BAIAP2: variants seen among roughly 807,000 people sequenced by gnomAD.
The protein encoded by BAIAP2 is BAR/IMD domain-containing adapter protein 2.
Under a neutral mutation model 63.0 loss-of-function variants are expected in BAIAP2, and 18 were observed. The ratio of observed to expected loss-of-function variants is 0.29; its 90% confidence interval spans 0.20 to 0.42. The LOEUF (loss-of-function observed/expected upper bound fraction) is 0.42. BAIAP2 is among the 10% of genes least tolerant of loss of function. The probability of loss-of-function intolerance (pLI) is 1.00; values close to 1 mark genes in which losing one functional copy is unlikely to be tolerated. For synonymous variants in BAIAP2, 386 were observed against 307.6 expected, an observed-to-expected ratio of 1.25 and a Z score of -2.67; for missense variants, 610 against 734.3, an observed-to-expected ratio of 0.83 and a Z score of 1.96.
intron 7 of BAIAP2, among the ~76,000 whole-genome samples, chr17:81,103,169 GTTTGCCCAC>G (rs2058718906): frequency 6.6e-6 from 1 of 152,196 alleles, no homozygotes; most frequent in Non-Finnish European, 1.5e-5. Context: ...GCACTTTGGG[GTTTGCCCAC>G]CGGAGTTTGA....
chr17:81,040,593 G>A (rs2046945389), intron 1 of BAIAP2, among the ~76,000 whole-genome samples: 1 of 152,270 alleles, frequency 6.6e-6, no homozygotes, highest in Non-Finnish European at 1.5e-5. Context: ...CCTGTGAGGG[G>A]CCCATCGGTA....
chr17:81,108,326 C>T (rs2059420710), intron 12 of BAIAP2, 149 bp from the exon 13 acceptor site: 1 of 803,216 alleles, frequency 1.2e-6, no homozygotes, highest in East Asian at 2.7e-5. Flanking sequence ...TCTCTGAGTG[C>T]TGCAGCCAGG....
chr17:81,104,775 A>G (rs2058920929), intron 10 of BAIAP2, 60 bp downstream of exon 10: 1 of 1,483,350 alleles, frequency 6.7e-7, no homozygotes. Context: ...TGTGTGGGGC[A>G]GCGACACTCA....
chr17:81,043,207 G>A (rs992739766), intron 1 of BAIAP2, among the ~76,000 whole-genome samples: 3 of 152,212 alleles, frequency 2.0e-5, no homozygotes, highest in Non-Finnish European at 4.4e-5. Flanking sequence ...TGGAGGCCGA[G>A]ATGCCACCAC....
chr17:81,039,023 T>G (rs956593886), intron 1 of BAIAP2, among the ~76,000 whole-genome samples: 1 of 152,252 alleles, frequency 6.6e-6, no homozygotes, highest in Non-Finnish European at 1.5e-5. Context: ...GCTTTGTGTT[T>G]AAGGATACTT....
intron 7 of BAIAP2, among the ~76,000 whole-genome samples, chr17:81,102,329 C>T (rs191028943): frequency 2.6e-5 from 4 of 152,248 alleles, no homozygotes; most frequent in East Asian, 1.9e-4. Context: ...CGGTGTCCCT[C>T]GGCCGTCTGC....
At chr17:81,071,838 C>T (rs187459571) in intron 3 of BAIAP2, among the ~76,000 whole-genome samples, 372 of 152,380 alleles carry the variant, frequency 2.4e-3, no homozygotes, top group African/African-American at 8.5e-3. Flanking sequence ...GCAGTTCCCA[C>T]GCCAAGTAGG....
chr17:81,072,939 G>A (rs1259430425), intron 3 of BAIAP2, among the ~76,000 whole-genome samples: 2 of 152,004 alleles, frequency 1.3e-5, no homozygotes, highest in Admixed American at 1.3e-4. Flanking sequence ...CGGGTGCCGG[G>A]TACAAACATG....
intron 2 of BAIAP2, among the ~76,000 whole-genome samples, chr17:81,056,180 C>T (rs999029996): frequency 1.3e-5 from 2 of 152,204 alleles, no homozygotes; most frequent in African/African-American, 2.4e-5. Context: ...AGAGGGCTTC[C>T]AACTGTGGTG....
chr17:81,111,857 G>T (rs150087305), intron 13 of BAIAP2, among the ~76,000 whole-genome samples: 4 of 152,234 alleles, frequency 2.6e-5, no homozygotes, highest in African/African-American at 9.6e-5. Context: ...CTAGGAGGGC[G>T]GCTCTGCAAA....
intron 1 of BAIAP2, among the ~76,000 whole-genome samples, chr17:81,038,488 C>T (rs1374453968): frequency 2.0e-5 from 3 of 152,210 alleles, no homozygotes; most frequent in African/African-American, 7.2e-5. Context: ...AGGAGGAGTC[C>T]CTGTTGCAGA....
intron 3 of BAIAP2, among the ~76,000 whole-genome samples, chr17:81,081,096 C>T (rs368384183): frequency 1.4e-4 from 21 of 152,330 alleles, no homozygotes; most frequent in African/African-American, 2.9e-4. Flanking sequence ...CACCCCAACT[C>T]GGCTGAAGCC....
rs1390472276 is a variant in BAIAP2, at chr17:81,046,367, T to C, written c.55-7301T>C. 6.6e-6 allele frequency among the ~76,000 whole-genome samples: 1 copy of C among 152,118 alleles called. No individual in the cohort carries two copies. Among genetic ancestry groups the C allele is most frequent in the Non-Finnish European group, 1.5e-5 (1 of 67,990 alleles). On this transcript the variant is annotated intron_variant, in intron 1 of 13. Transcript: ENST00000428708. The surrounding 1 kb of genome is among the most constrained non-coding windows in gnomAD (Gnocchi z 4.5). Reference sequence around the variant, plus strand: ...CTCCTCCAGGCAGCCCTCCCAGCTGTGCTCCTGGAGTTGGTTTTCTTCCTT... The same window carrying C: ...CTCCTCCAGGCAGCCCTCCCAGCTGCGCTCCTGGAGTTGGTTTTCTTCCTT...
chr17:81,036,333 G>A (rs1237562222), intron 1 of BAIAP2, among the ~76,000 whole-genome samples: 13 of 152,330 alleles, frequency 8.5e-5, no homozygotes, highest in South Asian at 2.1e-4. Context: ...CAGGCTGGGC[G>A]ATGAGTGGAG....
At chr17:81,086,874 C>A in intron 6 of BAIAP2, 4 of 316,502 alleles carry the variant, frequency 1.3e-5, no homozygotes, top group Non-Finnish European at 1.8e-5. Context: ...TTCTCCCCAT[C>A]CCTGCCCGGG....
intron 3 of BAIAP2, among the ~76,000 whole-genome samples, chr17:81,079,550 A>G (rs183417259): frequency 2.3e-3 from 344 of 151,586 alleles, no homozygotes; most frequent in African/African-American, 8.0e-3. Flanking sequence ...CAGCATCCCT[A>G]GGCAGCCCTG....
intron 7 of BAIAP2, among the ~76,000 whole-genome samples, chr17:81,100,325 A>G (rs1327534833): frequency 6.6e-6 from 1 of 152,150 alleles, no homozygotes; most frequent in Non-Finnish European, 1.5e-5. Context: ...TGGGCTTTCA[A>G]GGCCTTCTAG....
Position 81,115,774 on chromosome 17 carries a change from C to G in BAIAP2, c.1540C>G (p.Pro514Ala). 6.2e-7 allele frequency: 1 copy of G among 1,613,566 alleles called. No individual in the cohort carries two copies. Among genetic ancestry groups the G allele is most frequent in the Non-Finnish European group, 8.5e-7 (1 of 1,180,022 alleles). The change falls in exon 14 of 14, where the codon CCC becomes GCC. Residue 514 changes from proline to alanine, a missense_variant. Around this residue, in one of 5 missense-constraint regions of BAIAP2, gnomAD observed 114 missense variants for 98.2 expected, o/e 1.16. Coordinates refer to ENST00000428708, the MANE Select transcript of BAIAP2 (RefSeq NM_001144888.2). Reference protein sequence around the residue: ...DYGARSMSRNPFAHVQLKPTV... With the variant: ...DYGARSMSRNAFAHVQLKPTV... ...AACCACGTTTTTCTCTTTCAGGAAT[C>G]CCTTTGCCCACGTCCAGCTGAAGCC...
chr17:81,110,561 G>A lies in BAIAP2; in HGVS notation c.1535+2052G>A, dbSNP rs921947005. The stretch of plus-strand genomic sequence containing the variant: ...CCGGTTCCCGGCGTGCGTCTTTGCC[G>A]TGGGGGCCCCGCCTTGTGCCCACCT... On this transcript the variant is annotated intron_variant, in intron 13 of 13. Coordinates refer to ENST00000428708, the MANE Select transcript of BAIAP2 (RefSeq NM_001144888.2). 17 of 1,154,290 alleles carry A rather than the reference G, an allele frequency of 1.5e-5. No homozygotes were observed. In the South Asian group the frequency reaches 1.5e-4, roughly 10 times the overall value. The allele number at this position is 1,154,290 out of a possible 1,614,324, so 71.5% of individuals were successfully genotyped here.
Sources: allele counts gnomAD v4.1 joint callset (sites outside exome capture counted in the v4.1 genomes callset), GRCh38; gene constraint gnomAD v4.1.1; regional missense constraint gnomAD v4.1.1; non-coding constraint Gnocchi (gnomAD v3.1); transcripts MANE v1.5; gene names NCBI Gene and HGNC (gene_info 2026-07-23, HGNC 2026-07-21).